Variants in ZNF606 observed in about 807,000 individuals in gnomAD.
ZNF606 encodes the protein zinc finger protein 606.
A neutral mutation model predicts 74.9 loss-of-function variants in ZNF606; 37 were observed. That is an observed-to-expected ratio of 0.49 (90% CI 0.38 to 0.65). The LOEUF (loss-of-function observed/expected upper bound fraction) is 0.65. Among genes scored for constraint, ZNF606 ranks in the 30% least tolerant of loss-of-function variants. ZNF606 has a pLI of 0.00. For synonymous variants in ZNF606, 328 were observed against 312.4 expected (o/e 1.05, Z -0.53); for missense variants, 852 against 952.9 (o/e 0.89, Z 1.39).
In ZNF606 at chr19:58,002,716, C is replaced by T. The variant is rs768587593; in HGVS notation, c.-372G>A. Reference sequence around the variant, plus strand: ...CCACCCTGACGCCGCCTCTCCCAGCCGGCTCTCCTGACCCCCCAAGCCCCG... The same window carrying T: ...CCACCCTGACGCCGCCTCTCCCAGCTGGCTCTCCTGACCCCCCAAGCCCCG... On this transcript the variant is annotated 5_prime_UTR_variant, in exon 1 of 7. Transcript: ENST00000551380. 150 of 448,118 alleles carry T rather than the reference C, an allele frequency of 3.3e-4. No individual in the cohort carries two copies. The highest frequency in any genetic ancestry group is 4.9e-4 in the Non-Finnish European group (109 of 223,922). The allele number at this position is 448,118 out of a possible 1,614,324, so 27.8% of individuals were successfully genotyped here.
chr19:57,990,199 C>T (rs897335921), intron 4 of ZNF606, among the ~76,000 whole-genome samples: 2 of 150,980 alleles, frequency 1.3e-5, no homozygotes, highest in East Asian at 3.9e-4. Flanking sequence ...ATCATCTCTA[C>T]TAAAAATACA....
rs201159176 is a variant in ZNF606, at chr19:57,999,893, A to C, written c.92T>G (p.Leu31Arg). ...GTGCCAGGCAGGATACTGAGGACAC[A>C]GAGCTAGGAAACGAGAAAAAAGTCA... ...TAVDPWASWALCPQYPAWHVE... is the reference protein window; with the variant it reads ...TAVDPWASWARCPQYPAWHVE... Residue 31 changes from leucine to arginine, a missense_variant, in exon 4 of 7, where the codon CTG becomes CGG. Around this residue, in one of 3 missense-constraint regions of ZNF606, gnomAD observed 545 missense variants for 542.5 expected, o/e 1.00. Transcript: ENST00000551380. The C allele has an allele frequency of 8.6e-5, 139 of 1,613,438 alleles. 1 individual carries two copies. The highest frequency in any genetic ancestry group is 1.1e-4 in the Non-Finnish European group (134 of 1,179,916).
In ZNF606 at chr19:57,980,004, C is replaced by T. The variant is rs775138716; in HGVS notation, c.676G>A (p.Val226Ile). Residue 226 changes from valine to isoleucine, a missense_variant, in exon 7 of 7, where the codon GTT becomes ATT. Coordinates refer to ENST00000551380, the MANE Select transcript of ZNF606 (RefSeq NM_001348022.3). ...GAEFSQNLNF[V>I]PSQRVSQIEH... ...ATCTGAGAAACTCTCTGAGATGGAACAAAGTTTAAGTTCTGGCTAAACTCT... is the reference window on the plus strand; with the variant it reads ...ATCTGAGAAACTCTCTGAGATGGAATAAAGTTTAAGTTCTGGCTAAACTCT... 3.1e-6 allele frequency: 5 copies of T among 1,613,708 alleles called. No homozygotes were observed. The South Asian group carries it at 3.3e-5, about 11-fold the overall frequency.
In ZNF606 at chr19:58,000,169, C is replaced by T. The variant is rs939608317; in HGVS notation, c.89-273G>A. On this transcript the variant is annotated intron_variant, in intron 3 of 6. Transcript: ENST00000551380. ...TTCCTGGGCCTGAACCCTAAACGGC[C>T]ACACATGAATTCTCATGCATCTTGA... The T allele has an allele frequency of 5.9e-6, 3 of 508,224 alleles. No individual in the cohort carries two copies. The Admixed American group carries it at 1.1e-4, about 18-fold the overall frequency. 31.5% of individuals were successfully genotyped at this position (508,224 alleles called of 1,614,324 possible).
chr19:58,000,519 A>G (rs1412252065), intron 3 of ZNF606, 164 bp downstream of exon 3: 5 of 783,470 alleles, frequency 6.4e-6, no homozygotes, highest in Admixed American at 6.1e-5. Context: ...ACGCCTGGCC[A>G]CTAGTTTTCT....
At chr19:58,000,262 C>T in intron 3 of ZNF606, 1 of 428,568 alleles carries the variant, frequency 2.3e-6, no homozygotes, top group South Asian at 4.8e-5. Flanking sequence ...CGCTCTGTCG[C>T]CCAGGCTGGA....
At chr19:57,983,366 G>A (rs956845839) in intron 6 of ZNF606, among the ~76,000 whole-genome samples, 10 of 152,148 alleles carry the variant, frequency 6.6e-5, no homozygotes, top group African/African-American at 2.4e-4. Flanking sequence ...CCTGAGGTCA[G>A]GAGTTCAGGA....
intron 4 of ZNF606, 82 bp from the exon 5 acceptor site, chr19:57,988,803 G>C: frequency 6.3e-7 from 1 of 1,597,494 alleles, no homozygotes; most frequent in South Asian, 1.1e-5. Context: ...TGACAGCCCT[G>C]GGGAGAGAAG....
chr19:58,001,200 C>A, intron 2 of ZNF606, 89 bp downstream of exon 2: 1 of 1,511,896 alleles, frequency 6.6e-7, no homozygotes, highest in East Asian at 2.3e-5. Context: ...CTTCCATCCT[C>A]AAAAGTCCTC....
rs1021472696 is a variant in ZNF606 at position 57,977,448 on chromosome 19, T to C, written c.*853A>G. 1.3e-5 allele frequency: 2 copies of C among 152,238 alleles called. No homozygotes were observed. The highest frequency in any genetic ancestry group is 4.8e-5 in the African/African-American group (2 of 41,466). 9.4% of individuals were successfully genotyped at this position (152,238 alleles called of 1,614,324 possible). A position where few individuals can be genotyped will look rare whatever the true frequency, so the allele number is the denominator to read the frequency against. ...CATGGATCTTTCAGGTCCTTACCCA[T>C]ATACATTTTTTTAGATGTGTTACAG... On this transcript the variant is annotated 3_prime_UTR_variant, in exon 7 of 7. Transcript: ENST00000551380.
At chr19:57,986,775 T>C (rs10408288) in intron 6 of ZNF606, among the ~76,000 whole-genome samples, 34,203 of 152,108 alleles carry the variant, frequency 0.22, 3,982 homozygotes, top group Non-Finnish European at 0.24. Flanking sequence ...CAAACTACAT[T>C]GTCATAAATT....
In ZNF606 at chr19:57,979,349, G is replaced by GT; in HGVS notation, c.1330dup (p.Thr444AsnfsTer4). ...TCCAGTGTGAGTCCGTTCATGTTTC[G>GT]TAAGGGCTGAGCGATTCCTAAAAAC... On this transcript the variant is annotated frameshift_variant, in exon 7 of 7. Coordinates refer to ENST00000551380, the MANE Select transcript of ZNF606 (RefSeq NM_001348022.3). LOFTEE classifies it high-confidence loss of function. 1 of 1,613,072 alleles carries GT rather than the reference G, an allele frequency of 6.2e-7. No homozygotes were observed. The highest frequency in any genetic ancestry group is 8.5e-7 in the Non-Finnish European group (1 of 1,179,588).
upstream of ZNF606, chr19:58,002,912 G>A (rs1455665470): frequency 2.2e-6 from 1 of 444,946 alleles, no homozygotes; most frequent in Admixed American, 2.5e-5. Context: ...TTCCTGGGCC[G>A]CGCCGCCTCG....
intron 6 of ZNF606, among the ~76,000 whole-genome samples, chr19:57,980,652 A>C (rs545524058): frequency 8.2e-4 from 125 of 152,054 alleles, no homozygotes; most frequent in African/African-American, 3.0e-3. Context: ...TGGCTAACAC[A>C]GTGAAACCCT....
At chr19:57,996,330 T>C (rs1257055944) in intron 4 of ZNF606, among the ~76,000 whole-genome samples, 1 of 152,112 alleles carries the variant, frequency 6.6e-6, no homozygotes. Flanking sequence ...GGTGAAACCC[T>C]GTCTCGATTA....
intron 4 of ZNF606, among the ~76,000 whole-genome samples, chr19:57,990,539 CAAAAAA>C (rs1028844010): frequency 3.9e-5 from 2 of 51,944 alleles, no homozygotes; most frequent in Non-Finnish European, 8.4e-5. Flanking sequence ...AACCCAGTCT[CAAAAAA>C]AAAAAAAAAA....
chr19:57,989,292 G>A (rs1343323637), intron 4 of ZNF606, among the ~76,000 whole-genome samples: 1 of 151,902 alleles, frequency 6.6e-6, no homozygotes, highest in Non-Finnish European at 1.5e-5. Context: ...ATCGGTTACA[G>A]CTGCCATTAA....
chr19:57,989,604 G>A (rs969598147), intron 4 of ZNF606, among the ~76,000 whole-genome samples: 5 of 151,718 alleles, frequency 3.3e-5, no homozygotes, highest in South Asian at 2.1e-4. Context: ...GCACCACCCC[G>A]CCTGGCTAAT....
intron 1 of ZNF606, among the ~76,000 whole-genome samples, chr19:58,001,843 TG>T (rs1272606296): frequency 2.6e-5 from 4 of 152,204 alleles, no homozygotes; most frequent in African/African-American, 9.7e-5. Flanking sequence ...ACCGGTGAAT[TG>T]CACACTTTTA....
Sources: gnomAD v4.1 joint callset for allele counts (sites outside exome capture counted in the v4.1 genomes callset) on GRCh38, gnomAD v4.1.1 for gene constraint, gnomAD v4.1.1 regional missense constraint, MANE v1.5 for transcripts, NCBI Gene and HGNC (gene_info 2026-07-23, HGNC 2026-07-21) for gene names.